Variants in CRYBG1 observed in about 807,000 individuals in gnomAD.
The protein encoded by CRYBG1 is crystallin beta-gamma domain containing 1, also known as beta/gamma crystallin domain-containing protein 1.
Under a neutral mutation model 189.2 loss-of-function variants are expected in CRYBG1, and 139 were observed. The ratio of observed to expected loss-of-function variants is 0.73; its 90% confidence interval spans 0.64 to 0.85. The LOEUF is 0.85. Ranked by LOEUF, CRYBG1 falls within the 40% of genes least tolerant of loss-of-function variation. The pLI, the probability that CRYBG1 is intolerant of heterozygous loss-of-function variation, is 0.00. For missense variants in CRYBG1, 2,611 were observed against 2,675.8 expected (o/e 0.98, Z 0.53); for synonymous variants, 1,023 against 1,017.1 (o/e 1.01, Z -0.11).
chr6:106,481,340 A>T (rs1772450125), intron 2 of CRYBG1, among the ~76,000 whole-genome samples: 1 of 152,004 alleles, frequency 6.6e-6, no homozygotes, highest in Non-Finnish European at 1.5e-5. Context: ...GCTTACTGTC[A>T]TTCTGACAAA....
At chr6:106,401,669 T>C (rs1770724077) in intron 1 of CRYBG1, among the ~76,000 whole-genome samples, 1 of 118,452 alleles carries the variant, frequency 8.4e-6, no homozygotes, top group Non-Finnish European at 1.7e-5. Context: ...TGGTTTTTTG[T>C]TCTTGCGATA....
chr6:106,446,142 G>A (rs897455382), intron 1 of CRYBG1, among the ~76,000 whole-genome samples: 3 of 152,202 alleles, frequency 2.0e-5, no homozygotes, highest in African/African-American at 4.8e-5. Context: ...GTATGTGTCC[G>A]TAATCTAATA....
At chr6:106,464,471 C>T (rs866940279) in intron 2 of CRYBG1, among the ~76,000 whole-genome samples, 7 of 139,302 alleles carry the variant, frequency 5.0e-5, no homozygotes, top group Admixed American at 1.5e-4. Flanking sequence ...TCAGCCTGGG[C>T]GACAGAGTGA....
At chr6:106,383,399 C>A (rs1159056554) in intron 1 of CRYBG1, among the ~76,000 whole-genome samples, 1 of 152,122 alleles carries the variant, frequency 6.6e-6, no homozygotes, top group African/African-American at 2.4e-5. Context: ...AAAGCTGGGG[C>A]CAGAACCAAG....
intron 1 of CRYBG1, among the ~76,000 whole-genome samples, chr6:106,367,097 G>A (rs778166507): frequency 2.6e-5 from 4 of 152,142 alleles, no homozygotes; most frequent in Non-Finnish European, 5.9e-5. Flanking sequence ...AAGGGATTTT[G>A]GAGTCTGAGT....
chr6:106,512,891 C>T lies in CRYBG1; in HGVS notation c.1774C>T (p.Pro592Ser). The T allele has an allele frequency of 6.2e-7, 1 of 1,600,716 alleles. No individual in the cohort carries two copies. The highest frequency in any genetic ancestry group is 8.5e-7 in the Non-Finnish European group (1 of 1,173,974). ...GCCCGAGCACAAGAGGGGCCCGCTC[C>T]CCAACCACTTCAACGGCCGGGCAGA... ...IKPEHKRGPL[P>S]NHFNGRAEGG... The change falls in exon 3 of 22, where the codon CCC (proline) becomes TCC (serine). Residue 592 changes from proline (P) to serine (S), a missense_variant. This residue lies in a region of CRYBG1 where 985 missense variants were observed against 924.4 expected (regional missense o/e 1.07). Coordinates refer to ENST00000633556, the MANE Select transcript of CRYBG1 (RefSeq NM_001371242.2).
intron 2 of CRYBG1, among the ~76,000 whole-genome samples, chr6:106,496,104 C>T (rs1043083217): frequency 1.3e-5 from 2 of 152,196 alleles, no homozygotes; most frequent in East Asian, 3.8e-4. Flanking sequence ...TTTCCCCAAA[C>T]AAGATTTTAT....
intron 2 of CRYBG1, among the ~76,000 whole-genome samples, chr6:106,474,254 G>T (rs1400769470): frequency 7.9e-5 from 12 of 152,172 alleles, no homozygotes; most frequent in Non-Finnish European, 1.8e-4. Flanking sequence ...TGAGATGGGA[G>T]GATGGCTTGA....
At chr6:106,381,315 C>T (rs1582731649) in intron 1 of CRYBG1, among the ~76,000 whole-genome samples, 1 of 152,214 alleles carries the variant, frequency 6.6e-6, no homozygotes, top group African/African-American at 2.4e-5. Context: ...ATCATAGTGT[C>T]TTGTGGCCAA....
At chr6:106,452,093 A>G (rs1003797035) in intron 2 of CRYBG1, among the ~76,000 whole-genome samples, 3 of 148,094 alleles carry the variant, frequency 2.0e-5, no homozygotes, top group Non-Finnish European at 4.5e-5. Context: ...AACATTATAT[A>G]TCAAAGCACC....
Position 106,511,519 on chromosome 6 carries a change from TAGAAA to T in CRYBG1, c.403_407del (p.Asn136ValfsTer22). On this transcript the variant is annotated frameshift_variant, in exon 3 of 22. Transcript: ENST00000633556. LOFTEE classifies it high-confidence loss of function. ...TCACTGCAGGAAGGAGAAGAAACAG[TAGAAA>T]CGGGTTAGAGAGTCCCACCAGATCA... is the stretch of plus-strand genomic sequence containing the variant. The T allele has an allele frequency of 6.5e-7, 1 of 1,535,638 alleles. No homozygotes were observed. The highest frequency in any genetic ancestry group is 1.4e-5 in the African/African-American group (1 of 73,146).
Position 106,511,580 on chromosome 6 carries a change from G to T in CRYBG1, c.463G>T (p.Val155Leu), listed in dbSNP as rs112755587. Residue 155 changes from valine to leucine, a missense_variant, in exon 3 of 22, where the codon GTA (valine) becomes TTA (leucine). By Grantham distance (32) the Val-to-Leu change is conservative. Around this residue, in one of 3 missense-constraint regions of CRYBG1, gnomAD observed 985 missense variants for 924.4 expected, o/e 1.07. Coordinates refer to ENST00000633556, the MANE Select transcript of CRYBG1 (RefSeq NM_001371242.2). ...NAKPLSPKDV[V>L]ASPKLPERES... ...CAAACCACTCTCTCCCAAAGATGTG[G>T]TAGCCTCTCCTAAGCTCCCAGAGAG... 1.5e-3 allele frequency: 2,339 copies of T among 1,535,834 alleles called. 40 individuals carry two copies. The African/African-American group carries it at 0.029, about 19-fold the overall frequency.
At chr6:106,460,781 G>GTTGTT (rs553616525) in intron 2 of CRYBG1, among the ~76,000 whole-genome samples, 12 of 152,008 alleles carry the variant, frequency 7.9e-5, no homozygotes, top group South Asian at 2.1e-4. Context: ...CCTTTGTTTT[G>GTTGTT]TTGTTTTGTT....
At chr6:106,524,916 A>T (rs181347613) in intron 4 of CRYBG1, among the ~76,000 whole-genome samples, 88 of 152,338 alleles carry the variant, frequency 5.8e-4, no homozygotes, top group Non-Finnish European at 1.1e-3. Context: ...AATTAGGAGA[A>T]ATTGAAATGG....
intron 2 of CRYBG1, among the ~76,000 whole-genome samples, chr6:106,484,160 A>G (rs982260916): frequency 6.6e-6 from 1 of 152,162 alleles, no homozygotes; most frequent in African/African-American, 2.4e-5. Context: ...CTATAAGTGC[A>G]CAAATTTTGG....
chr6:106,555,051 G>C (rs1774500159), intron 16 of CRYBG1, among the ~76,000 whole-genome samples: 1 of 151,962 alleles, frequency 6.6e-6, no homozygotes, highest in Non-Finnish European at 1.5e-5. Flanking sequence ...TGTAGTCCCA[G>C]CTACTCAGGA....
At chr6:106,548,998 G>C (rs1774335324) in intron 13 of CRYBG1, among the ~76,000 whole-genome samples, 1 of 149,424 alleles carries the variant, frequency 6.7e-6, no homozygotes, top group Non-Finnish European at 1.5e-5. Context: ...GCGGTGTTTG[G>C]TTTTTTGTCC....
chr6:106,483,197 CTCT>C (rs1244676330), intron 2 of CRYBG1, among the ~76,000 whole-genome samples: 1 of 151,948 alleles, frequency 6.6e-6, no homozygotes, highest in Non-Finnish European at 1.5e-5. Flanking sequence ...ATGTTATCTA[CTCT>C]TCTTTGTTTG....
chr6:106,518,697 C>G (rs1773497160), intron 3 of CRYBG1, among the ~76,000 whole-genome samples: 1 of 152,150 alleles, frequency 6.6e-6, no homozygotes, highest in Non-Finnish European at 1.5e-5. Flanking sequence ...GTGGCTCATG[C>G]CTGTAATCCC....
Sources: allele counts gnomAD v4.1 joint callset (sites outside exome capture counted in the v4.1 genomes callset), GRCh38; gene constraint gnomAD v4.1.1; regional missense constraint gnomAD v4.1.1; transcripts MANE v1.5; gene names NCBI Gene and HGNC (gene_info 2026-07-23, HGNC 2026-07-21).